The following TIFA variants were observed in gnomAD, a reference collection of about 807,000 sequenced individuals.
The protein encoded by TIFA is TRAF-interacting protein with FHA domain-containing protein A.
For synonymous variants in TIFA, 75 were observed against 79.2 expected (o/e 0.95, Z 0.28); for missense variants, 186 against 215.2 (o/e 0.86, Z 0.85).
At chr4:112,280,653 G>A (rs1677804266) in intron 1 of TIFA, among the ~76,000 whole-genome samples, 1 of 151,994 alleles carries the variant, frequency 6.6e-6, no homozygotes, top group South Asian at 2.1e-4. Flanking sequence ...TCCCAGCCCT[G>A]CTATTTACTT....
In TIFA at chr4:112,277,806, T is replaced by C; in HGVS notation, c.*56A>G. 1.3e-6 allele frequency: 2 copies of C among 1,485,728 alleles called. No individual in the cohort carries two copies. Among genetic ancestry groups the C allele is most frequent in the South Asian group, 1.4e-5 (1 of 73,648 alleles). The allele number at this position is 1,485,728 out of a possible 1,614,324, so 92.0% of individuals were successfully genotyped here. A position where few individuals can be genotyped will look rare whatever the true frequency, so the allele number is the denominator to read the frequency against. ...CTAATCAACTCTTATTTAGTGTCTA[T>C]ACAGCATCTACAGAGCTCTTCATCC... On this transcript the variant is annotated 3_prime_UTR_variant, in exon 2 of 2. Transcript: ENST00000361717.
chr4:112,285,117 A>G (rs1202399556), intron 1 of TIFA, among the ~76,000 whole-genome samples: 1 of 152,030 alleles, frequency 6.6e-6, no homozygotes, highest in Non-Finnish European at 1.5e-5. Context: ...AAATCTGGGG[A>G]AAGTCCCAGA....
At chr4:112,283,301 G>A (rs976780152) in intron 1 of TIFA, among the ~76,000 whole-genome samples, 8 of 152,158 alleles carry the variant, frequency 5.3e-5, no homozygotes, top group Non-Finnish European at 8.8e-5. Flanking sequence ...TACACCATTA[G>A]TGCTACCTCA....
rs1335318161 is a variant in TIFA at position 112,274,954 on chromosome 4, A to G, written c.*2908T>C. The G allele has an allele frequency of 6.6e-6, 1 of 152,180 alleles. No homozygotes were observed. The highest frequency in any genetic ancestry group is 1.5e-5 in the Non-Finnish European group (1 of 68,038). 9.4% of individuals were successfully genotyped at this position (152,180 alleles called of 1,614,324 possible). A position where few individuals can be genotyped will look rare whatever the true frequency, so the allele number is the denominator to read the frequency against. The stretch of plus-strand genomic sequence containing the variant: ...CAAGGATTCTAACACTGGCACCATT[A>G]ATACACCTCTCTACCTAAGGAGCCC... On this transcript the variant is annotated 3_prime_UTR_variant, in exon 2 of 2. Coordinates refer to ENST00000361717, the MANE Select transcript of TIFA (RefSeq NM_052864.3).
In TIFA at chr4:112,278,434, C is replaced by T; in HGVS notation, c.-18G>A. On this transcript the variant is annotated splice_region_variant and 5_prime_UTR_variant, in exon 2 of 2. In the 5' UTR this introduces an upstream ATG that the reference lacks. Coordinates refer to ENST00000361717, the MANE Select transcript of TIFA (RefSeq NM_052864.3). ...CTGGTCATGATGTGCACAAGGCCCA[C>T]CTGCAATAATTAAATTACCATGTTA... 1.3e-6 allele frequency: 2 copies of T among 1,515,760 alleles called. No individual in the cohort carries two copies. Among genetic ancestry groups the T allele is most frequent in the Non-Finnish European group, 8.8e-7 (1 of 1,134,406 alleles). The allele number at this position is 1,515,760 out of a possible 1,614,324, so 93.9% of individuals were successfully genotyped here.
In TIFA at chr4:112,275,056, T is replaced by C. The variant is rs1727081778; in HGVS notation, c.*2806A>G. The C allele has an allele frequency of 6.6e-6, 1 of 152,208 alleles. No individual in the cohort carries two copies. Among genetic ancestry groups the C allele is most frequent in the Admixed American group, 6.5e-5 (1 of 15,284 alleles). The allele number at this position is 152,208 out of a possible 1,614,324, so 9.4% of individuals were successfully genotyped here. Reference sequence around the variant, plus strand: ...GTTTCACATCTTAGCTTCAGTACCTTGTATCAAACACCAATATTTTTGTTT... The same window carrying C: ...GTTTCACATCTTAGCTTCAGTACCTCGTATCAAACACCAATATTTTTGTTT... On this transcript the variant is annotated 3_prime_UTR_variant, in exon 2 of 2. Coordinates refer to ENST00000361717, the MANE Select transcript of TIFA (RefSeq NM_052864.3).
chr4:112,279,813 C>T (rs370484665), intron 1 of TIFA, among the ~76,000 whole-genome samples: 1 of 151,864 alleles, frequency 6.6e-6, no homozygotes, highest in Admixed American at 6.6e-5. Context: ...ATTACAGAAA[C>T]GCACCACCAC....
At chr4:112,281,773 C>T (rs1407558181) in intron 1 of TIFA, 1 of 152,206 alleles carries the variant, frequency 6.6e-6, no homozygotes, top group Non-Finnish European at 1.5e-5. Flanking sequence ...GCAGCTCAGT[C>T]TGGGTCCCAG....
chr4:112,284,983 C>T, intron 1 of TIFA, among the ~76,000 whole-genome samples: 1 of 152,070 alleles, frequency 6.6e-6, no homozygotes, highest in African/African-American at 2.4e-5. Context: ...TTTCTTTCTC[C>T]CACTCTACTT....
chr4:112,279,532 A>G (rs991965141), intron 1 of TIFA, among the ~76,000 whole-genome samples: 4 of 152,162 alleles, frequency 2.6e-5, no homozygotes, highest in Admixed American at 6.5e-5. Flanking sequence ...CCTTAGAGAA[A>G]TTTTGTTTAC....
chr4:112,281,982 C>T (rs1230964000), intron 1 of TIFA, among the ~76,000 whole-genome samples: 1 of 152,186 alleles, frequency 6.6e-6, no homozygotes, highest in East Asian at 1.9e-4. Context: ...TTGGCTGTGT[C>T]CCCACCCCAA....
rs1259640632 is a variant in TIFA at position 112,276,672 on chromosome 4, A to G, written c.*1190T>C. The G allele has an allele frequency of 1.3e-5, 2 of 152,246 alleles. No individual in the cohort carries two copies. Among genetic ancestry groups the G allele is most frequent in the African/African-American group, 4.8e-5 (2 of 41,466 alleles). The allele number at this position is 152,246 out of a possible 1,614,324, so 9.4% of individuals were successfully genotyped here. The stretch of plus-strand genomic sequence containing the variant: ...TGGACATCACATACTACTGCCCAGG[A>G]ATAGACTGACAGTCTGAATCAAGAT... On this transcript the variant is annotated 3_prime_UTR_variant, in exon 2 of 2. Transcript: ENST00000361717.
In TIFA at chr4:112,274,966, T is replaced by C. The variant is rs2110503711; in HGVS notation, c.*2896A>G. 1 of 152,180 alleles carries C rather than the reference T, an allele frequency of 6.6e-6. No individual in the cohort carries two copies. Among genetic ancestry groups the C allele is most frequent in the East Asian group, 1.9e-4 (1 of 5,196 alleles). The allele number at this position is 152,180 out of a possible 1,614,324, so 9.4% of individuals were successfully genotyped here. A position where few individuals can be genotyped will look rare whatever the true frequency, so the allele number is the denominator to read the frequency against. ...CACTGGCACCATTAATACACCTCTCTACCTAAGGAGCCCCAGAAAAATCAC... is the reference window on the plus strand; with the variant it reads ...CACTGGCACCATTAATACACCTCTCCACCTAAGGAGCCCCAGAAAAATCAC... On this transcript the variant is annotated 3_prime_UTR_variant, in exon 2 of 2. Coordinates refer to ENST00000361717, the MANE Select transcript of TIFA (RefSeq NM_052864.3).
chr4:112,285,396 C>T (rs1446922398), intron 1 of TIFA: 1 of 152,196 alleles, frequency 6.6e-6, no homozygotes, highest in Non-Finnish European at 1.5e-5. Context: ...AAACACACCC[C>T]CATCTCCAAT....
In TIFA at chr4:112,277,681, A is replaced by AT; in HGVS notation, c.*180_*181insA. ...TAATTTTGTGTAGATCCAGAATACA[A>AT]CAGGTGACTAAGTTAATGACTAACA... On this transcript the variant is annotated 3_prime_UTR_variant, in exon 2 of 2. Transcript: ENST00000361717. The AT allele has an allele frequency of 7.6e-6, 3 of 396,572 alleles. No individual in the cohort carries two copies. Among genetic ancestry groups the AT allele is most frequent in the Non-Finnish European group, 8.4e-6 (2 of 239,320 alleles). 24.6% of individuals were successfully genotyped at this position (396,572 alleles called of 1,614,324 possible).
At position 112,277,872 on chromosome 4, in the gene TIFA, T is replaced by C. The variant is rs1462839352; in HGVS notation, c.545A>G (p.Asn182Ser). ...TTAGACTTTCTGTGTTCATGACTCA[T>C]TTTCATCCATTTCTGTCGGAGAACT... The part of the protein sequence containing the change: ...QSSSPTEMDE[N>S]ES Residue 182 changes from asparagine (N) to serine (S), a missense_variant, in exon 2 of 2, where the codon AAT (asparagine) becomes AGT (serine). Transcript: ENST00000361717. 6.3e-7 allele frequency: 1 copy of C among 1,594,160 alleles called. No individual in the cohort carries two copies. The highest frequency in any genetic ancestry group is 8.5e-7 in the Non-Finnish European group (1 of 1,171,750).
chr4:112,279,673 CCTCT>C (rs901554566), intron 1 of TIFA, among the ~76,000 whole-genome samples: 45 of 95,776 alleles, frequency 4.7e-4, no homozygotes, highest in East Asian at 1.2e-3. Context: ...TTTCTTTGTT[CCTCT>C]TTTTTTTTTT....
chr4:112,279,061 A>C (rs1311775131), intron 1 of TIFA, among the ~76,000 whole-genome samples: 2 of 152,348 alleles, frequency 1.3e-5, no homozygotes, highest in East Asian at 3.9e-4. Flanking sequence ...TATAATTTCA[A>C]ATTTTAGACA....
chr4:112,285,035 G>A (rs1034796156), intron 1 of TIFA, among the ~76,000 whole-genome samples: 5 of 152,212 alleles, frequency 3.3e-5, no homozygotes, highest in African/African-American at 1.2e-4. Context: ...CCTGGTGGCT[G>A]CGGAAATCCG....
Sources: allele counts gnomAD v4.1 joint callset (sites outside exome capture counted in the v4.1 genomes callset), GRCh38; gene constraint gnomAD v4.1.1; transcripts MANE v1.5; gene names NCBI Gene and HGNC (gene_info 2026-07-23, HGNC 2026-07-21).